Variants in TBC1D12 observed in about 807,000 individuals in gnomAD.
TBC1D12 encodes TBC1 domain family, member 12.
In TBC1D12, 56 loss-of-function variants were observed where a neutral mutation model predicts 86.7. That is an observed-to-expected ratio of 0.65 (90% CI 0.52 to 0.81). The LOEUF (loss-of-function observed/expected upper bound fraction) is 0.81. Ranked by LOEUF, TBC1D12 falls within the 30% of genes least tolerant of loss-of-function variation. The pLI, the probability that TBC1D12 is intolerant of heterozygous loss-of-function variation, is 0.00. For missense variants in TBC1D12, 1,023 were observed against 1,038.8 expected, an observed-to-expected ratio of 0.98 and a Z score of 0.21; for synonymous variants, 421 against 411.7, an observed-to-expected ratio of 1.02 and a Z score of -0.27.
intron 2 of TBC1D12, among the ~76,000 whole-genome samples, chr10:94,447,400 G>T (rs572394989): frequency 2.6e-5 from 4 of 152,100 alleles, no homozygotes; most frequent in African/African-American, 7.2e-5. Flanking sequence ...AGATATTTGG[G>T]TTCATAAGTG....
rs114864472 is a variant in TBC1D12, at chr10:94,490,550, A to C, written c.1212-2815A>C. Among the ~76,000 whole-genome samples, 671 of 152,126 alleles carry C rather than the reference A, an allele frequency of 4.4e-3. 4 individuals carry two copies. The highest frequency in any genetic ancestry group is 0.015 in the African/African-American group (638 of 41,504). ...TGATTAATTTTTCTTCTCATTATGC[A>C]TTATATTTTTCTGCTTCACATCTCT... On this transcript the variant is annotated intron_variant, in intron 3 of 12. Coordinates refer to ENST00000225235, the MANE Select transcript of TBC1D12 (RefSeq NM_015188.2).
chr10:94,492,142 G>A (rs1401191341), intron 3 of TBC1D12, among the ~76,000 whole-genome samples: 1 of 152,144 alleles, frequency 6.6e-6, no homozygotes, highest in Non-Finnish European at 1.5e-5. Flanking sequence ...GCAACATATT[G>A]TGCTGGGTTA....
intron 2 of TBC1D12, among the ~76,000 whole-genome samples, chr10:94,454,923 G>A (rs2055602732): frequency 1.3e-5 from 2 of 152,202 alleles, no homozygotes; most frequent in South Asian, 4.1e-4. Flanking sequence ...ATGTTGAGAA[G>A]CAGTGGTGAG....
At chr10:94,425,808 G>A (rs1282892817) in intron 1 of TBC1D12, among the ~76,000 whole-genome samples, 1 of 152,084 alleles carries the variant, frequency 6.6e-6, no homozygotes, top group Non-Finnish European at 1.5e-5. Context: ...CTTCAGCACA[G>A]TATATCTAGC....
intron 1 of TBC1D12, among the ~76,000 whole-genome samples, chr10:94,412,927 T>G (rs1042097414): frequency 2.0e-5 from 3 of 152,178 alleles, no homozygotes; most frequent in African/African-American, 7.2e-5. Flanking sequence ...GAATGCAGAT[T>G]CCTTGAGACC....
chr10:94,457,414 T>C (rs998709174), intron 2 of TBC1D12, among the ~76,000 whole-genome samples: 3 of 152,140 alleles, frequency 2.0e-5, no homozygotes, highest in African/African-American at 7.2e-5. Context: ...CATTTGTTTG[T>C]TTGTTTTGTT....
intron 7 of TBC1D12, among the ~76,000 whole-genome samples, chr10:94,507,968 C>T (rs2056481853): frequency 6.6e-6 from 1 of 152,148 alleles, no homozygotes; most frequent in South Asian, 2.1e-4. Flanking sequence ...GCCTGGGTAA[C>T]AGACTTCATC....
intron 1 of TBC1D12, among the ~76,000 whole-genome samples, chr10:94,405,154 C>T (rs2054837397): frequency 6.6e-6 from 1 of 151,312 alleles, no homozygotes; most frequent in Admixed American, 6.6e-5. Flanking sequence ...GGAAAATATT[C>T]CCAACTTGTA....
chr10:94,465,737 TATAC>T (rs201192093), intron 2 of TBC1D12, among the ~76,000 whole-genome samples: 2,311 of 150,692 alleles, frequency 0.015, 55 homozygotes, highest in African/African-American at 0.042. Flanking sequence ...CATACATACG[TATAC>T]ATACATACAT....
At position 94,461,055 on chromosome 10, in the gene TBC1D12, A is replaced by G. The variant is rs182182609; in HGVS notation, c.1096-13613A>G. 1.6e-3 allele frequency among the ~76,000 whole-genome samples: 244 copies of G among 152,158 alleles called. 1 individual carries two copies. The highest frequency in any genetic ancestry group is 5.7e-3 in the African/African-American group (237 of 41,504). ...CTGGTTTGATAATTCCAACATTCCT[A>G]TCATATCTGACTCTGGTTCTAATGC... is the stretch of plus-strand genomic sequence containing the variant. On this transcript the variant is annotated intron_variant, in intron 2 of 12. Coordinates refer to ENST00000225235, the MANE Select transcript of TBC1D12 (RefSeq NM_015188.2).
Position 94,403,217 on chromosome 10 carries a change from T to A in TBC1D12, c.604T>A (p.Cys202Ser). The change falls in exon 1 of 13, where the codon TGC becomes AGC. Residue 202 changes from cysteine (C) to serine (S), a missense_variant. By Grantham distance (112) the Cys-to-Ser change is moderately radical. Transcript: ENST00000225235. ...ASPLEDPLRS[C>S]CLVAADAQEP... ...TCCGCTTGAGGACCCGCTGCGGAGC[T>A]GCTGCCTGGTGGCCGCGGACGCCCA... 1 of 1,505,760 alleles carries A rather than the reference T, an allele frequency of 6.6e-7. No homozygotes were observed. Among genetic ancestry groups the A allele is most frequent in the Non-Finnish European group, 8.9e-7 (1 of 1,129,404 alleles). 93.3% of individuals were successfully genotyped at this position (1,505,760 alleles called of 1,614,324 possible).
intron 1 of TBC1D12, among the ~76,000 whole-genome samples, chr10:94,421,665 G>C (rs755552502): frequency 2.6e-5 from 4 of 152,088 alleles, no homozygotes; most frequent in Non-Finnish European, 4.4e-5. Flanking sequence ...ATGAATGAGG[G>C]TTCCAGTTTC....
At chr10:94,415,471 T>G (rs575328677) in intron 1 of TBC1D12, among the ~76,000 whole-genome samples, 2 of 152,324 alleles carry the variant, frequency 1.3e-5, no homozygotes, top group South Asian at 4.1e-4. Context: ...CGGTGGCTCA[T>G]GCCTGCAATC....
intron 3 of TBC1D12, among the ~76,000 whole-genome samples, chr10:94,489,625 C>G (rs957849083): frequency 6.6e-6 from 1 of 152,152 alleles, no homozygotes; most frequent in African/African-American, 2.4e-5. Flanking sequence ...GCATGCCTTC[C>G]TCATTAAGCT....
intron 3 of TBC1D12, among the ~76,000 whole-genome samples, chr10:94,483,039 C>CTTTT (rs71031579): frequency 0.012 from 1,502 of 124,474 alleles, 53 homozygotes; most frequent in African/African-American, 0.039. Flanking sequence ...TATTCTTCTT[C>CTTTT]TTTTTTTTTT....
At chr10:94,436,039 ATGT>A (rs1358316979) in intron 1 of TBC1D12, among the ~76,000 whole-genome samples, 1 of 151,988 alleles carries the variant, frequency 6.6e-6, no homozygotes, top group Non-Finnish European at 1.5e-5. Flanking sequence ...TCAATACCAT[ATGT>A]TGTTAAAAAC....
chr10:94,419,204 C>T (rs1016452793), intron 1 of TBC1D12, among the ~76,000 whole-genome samples: 2 of 152,120 alleles, frequency 1.3e-5, no homozygotes, highest in African/African-American at 4.8e-5. Context: ...CAAACACATA[C>T]ATCTTTTATT....
chr10:94,490,838 T>C (rs569461287), intron 3 of TBC1D12, among the ~76,000 whole-genome samples: 1 of 152,320 alleles, frequency 6.6e-6, no homozygotes, highest in East Asian at 1.9e-4. Context: ...TGGCTGGTCT[T>C]GTGTGAACTT....
chr10:94,469,223 T>G (rs955916111), intron 2 of TBC1D12, among the ~76,000 whole-genome samples: 1 of 152,142 alleles, frequency 6.6e-6, no homozygotes, highest in Non-Finnish European at 1.5e-5. Flanking sequence ...CCTGAATGTT[T>G]TGTGTATTCC....
Sources: allele counts gnomAD v4.1 joint callset (sites outside exome capture counted in the v4.1 genomes callset), GRCh38; gene constraint gnomAD v4.1.1; transcripts MANE v1.5; gene names NCBI Gene and HGNC (gene_info 2026-07-23, HGNC 2026-07-21).